Variants in B3GALT1 observed in about 807,000 individuals in gnomAD.
B3GALT1 encodes UDP-Gal:betaGlcNAc beta 1,3-galactosyltransferase, polypeptide 1.
Under a neutral mutation model 23.2 loss-of-function variants are expected in B3GALT1, and 10 were observed. The observed-to-expected ratio is 0.43, with a 90% CI of 0.27 to 0.73. The LOEUF is 0.73. Among genes scored for constraint, B3GALT1 ranks in the 30% least tolerant of loss-of-function variants. The pLI is 0.21. For synonymous variants in B3GALT1, 156 were observed against 141.5 expected, an observed-to-expected ratio of 1.10 and a Z score of -0.73; for missense variants, 299 against 405.4, an observed-to-expected ratio of 0.74 and a Z score of 2.25.
chr2:167,662,935 CT>C (rs34076551), intron 3 of B3GALT1, among the ~76,000 whole-genome samples: 29,144 of 151,216 alleles, frequency 0.19, 3,431 homozygotes, highest in Admixed American at 0.28. Flanking sequence ...ATGTCACTTT[CT>C]TTTTTTTTAT....
At chr2:167,633,903 C>T (rs1385517243) in intron 2 of B3GALT1, among the ~76,000 whole-genome samples, 1 of 152,058 alleles carries the variant, frequency 6.6e-6, no homozygotes, top group Non-Finnish European at 1.5e-5. Context: ...TTCTTCTCAG[C>T]ACCACATCAC....
rs191143888 is a variant in B3GALT1, at chr2:167,704,153, A to C, written c.-352+57187A>C. ...CCGAGATCGCACCACTGCACTCCAG[A>C]CTGGGCAAAGGAGCGAAACTCAGTC... On this transcript the variant is annotated intron_variant, in intron 3 of 4. Coordinates refer to ENST00000392690, the MANE Select transcript of B3GALT1 (RefSeq NM_020981.4). Among the ~76,000 whole-genome samples, 430 of 138,948 alleles carry C rather than the reference A, an allele frequency of 3.1e-3. 2 individuals carry two copies. The highest frequency in any genetic ancestry group is 0.022 in the South Asian group (93 of 4,206). The allele number at this position is 138,948 out of a possible 152,430, so 91.2% of individuals were successfully genotyped here.
intron 2 of B3GALT1, among the ~76,000 whole-genome samples, chr2:167,514,508 T>C (rs1032147092): frequency 6.6e-6 from 1 of 152,194 alleles, no homozygotes; most frequent in African/African-American, 2.4e-5. Flanking sequence ...AGAATCTCAA[T>C]GGATGCATAT....
chr2:167,653,859 A>G (rs2105466364), intron 3 of B3GALT1, among the ~76,000 whole-genome samples: 1 of 152,322 alleles, frequency 6.6e-6, no homozygotes, highest in African/African-American at 2.4e-5. Flanking sequence ...TGCTCGGTTC[A>G]TCACCAGCAG....
At chr2:167,320,853 C>A (rs1376936021) in intron 1 of B3GALT1, among the ~76,000 whole-genome samples, 1 of 151,768 alleles carries the variant, frequency 6.6e-6, no homozygotes, top group African/African-American at 2.4e-5. Flanking sequence ...CTAATGTCTA[C>A]TTTTTAAGTT....
At chr2:167,691,920 G>T (rs1292487493) in intron 3 of B3GALT1, among the ~76,000 whole-genome samples, 1 of 152,128 alleles carries the variant, frequency 6.6e-6, no homozygotes, top group Non-Finnish European at 1.5e-5. Context: ...AGTAAGTAGA[G>T]CTTGTAAGTA....
At chr2:167,351,955 ATTT>A (rs71031283) in intron 1 of B3GALT1, among the ~76,000 whole-genome samples, 150 of 134,284 alleles carry the variant, frequency 1.1e-3, no homozygotes, top group African/African-American at 4.4e-3. Context: ...GCTGTTTTTG[ATTT>A]TTTTTTTTTT....
chr2:167,598,657 G>A (rs144347451), intron 2 of B3GALT1, among the ~76,000 whole-genome samples: 14 of 152,222 alleles, frequency 9.2e-5, no homozygotes, highest in Admixed American at 6.5e-4. Context: ...ACATTCTCAC[G>A]TGGCGTGTCC....
intron 2 of B3GALT1, among the ~76,000 whole-genome samples, chr2:167,586,354 C>T (rs1267148328): frequency 1.3e-5 from 2 of 152,116 alleles, no homozygotes; most frequent in East Asian, 3.9e-4. Flanking sequence ...GGCTGGAGTG[C>T]AGTGGCACGA....
chr2:167,722,827 C>CT (rs199913863), intron 3 of B3GALT1, among the ~76,000 whole-genome samples: 2 of 152,136 alleles, frequency 1.3e-5, no homozygotes, highest in East Asian at 3.9e-4. Flanking sequence ...GGACATAAAA[C>CT]TGAATTGGCC....
chr2:167,810,822 AAT>A (rs1688873782), intron 3 of B3GALT1, among the ~76,000 whole-genome samples: 1 of 152,182 alleles, frequency 6.6e-6, no homozygotes, highest in Admixed American at 6.5e-5. Context: ...TCGGCAGAAA[AAT>A]AGTTGCTTTT....
chr2:167,666,109 A>G (rs949034403), intron 3 of B3GALT1, among the ~76,000 whole-genome samples: 5 of 152,160 alleles, frequency 3.3e-5, no homozygotes, highest in Admixed American at 3.3e-4. Context: ...TTCCCTCTAC[A>G]CACTGCTTTG....
chr2:167,564,934 A>G (rs1296566119), intron 2 of B3GALT1, among the ~76,000 whole-genome samples: 1 of 152,228 alleles, frequency 6.6e-6, no homozygotes, highest in Non-Finnish European at 1.5e-5. Context: ...ATACTGCCCA[A>G]GGTAATTTGT....
At chr2:167,838,890 T>C (rs1689559460) in intron 4 of B3GALT1, among the ~76,000 whole-genome samples, 1 of 152,294 alleles carries the variant, frequency 6.6e-6, no homozygotes, top group East Asian at 1.9e-4. Context: ...AATCAATATA[T>C]GTAATCCAGC....
chr2:167,638,137 G>A (rs957709896), intron 2 of B3GALT1, among the ~76,000 whole-genome samples: 1 of 151,960 alleles, frequency 6.6e-6, no homozygotes, highest in East Asian at 1.9e-4. Flanking sequence ...CTATTGAAGT[G>A]AGCTCATGAA....
At chr2:167,442,713 T>C (rs1017808146) in intron 1 of B3GALT1, among the ~76,000 whole-genome samples, 8 of 148,360 alleles carry the variant, frequency 5.4e-5, no homozygotes, top group Non-Finnish European at 1.0e-4. Flanking sequence ...TTCGCCCACT[T>C]TTTGATGGGG....
Position 167,477,131 on chromosome 2 carries a change from T to TTA in B3GALT1, c.-510-13043_-510-13042dup, listed in dbSNP as rs140196703. Reference sequence around the variant, plus strand: ...TTTTCATGTTTCAAATTCCTCCCACTTATAAGCATATGTGCTTTTGAATGT... The same window carrying TTA: ...TTTTCATGTTTCAAATTCCTCCCACTTATATAAGCATATGTGCTTTTGAATGT... On this transcript the variant is annotated intron_variant, in intron 1 of 4. Coordinates refer to ENST00000392690, the MANE Select transcript of B3GALT1 (RefSeq NM_020981.4). Among the ~76,000 whole-genome samples the TTA allele has an allele frequency of 7.2e-5, 11 of 152,344 alleles. No individual in the cohort carries two copies. In the East Asian group the frequency reaches 2.1e-3, roughly 29 times the overall value.
At chr2:167,492,878 TG>T (rs901329956) in intron 2 of B3GALT1, among the ~76,000 whole-genome samples, 11 of 38,646 alleles carry the variant, frequency 2.8e-4, no homozygotes, top group African/African-American at 1.9e-3. Context: ...TATTTAGAGA[TG>T]TGTGTGTGTG....
intron 2 of B3GALT1, among the ~76,000 whole-genome samples, chr2:167,629,991 A>T (rs1685412481): frequency 6.6e-6 from 1 of 151,590 alleles, no homozygotes; most frequent in African/African-American, 2.4e-5. Flanking sequence ...CCAACTCTAA[A>T]TGTTATGACA....
Sources: allele counts gnomAD v4.1 joint callset (sites outside exome capture counted in the v4.1 genomes callset), GRCh38; gene constraint gnomAD v4.1.1; transcripts MANE v1.5; gene names NCBI Gene and HGNC (gene_info 2026-07-23, HGNC 2026-07-21).